Variants in TPD52L1 observed in about 807,000 individuals in gnomAD.
The protein encoded by TPD52L1 is TPD52 like 1, also known as tumor protein D53.
Under a neutral mutation model 28.7 loss-of-function variants are expected in TPD52L1, and 18 were observed. The observed-to-expected ratio is 0.63, with a 90% CI of 0.43 to 0.93. The LOEUF is 0.93. TPD52L1 is among the 40% of genes least tolerant of loss of function. The pLI, the probability that TPD52L1 is intolerant of heterozygous loss-of-function variation, is 0.00. For synonymous variants in TPD52L1, 75 were observed against 88.8 expected, an observed-to-expected ratio of 0.84 and a Z score of 0.88; for missense variants, 203 against 254.8, an observed-to-expected ratio of 0.80 and a Z score of 1.39.
At chr6:125,236,917 C>G (rs1796291733) in intron 3 of TPD52L1, among the ~76,000 whole-genome samples, 1 of 152,164 alleles carries the variant, frequency 6.6e-6, no homozygotes, top group Admixed American at 6.5e-5. Flanking sequence ...ACAGTCTTCT[C>G]AAGGGTGCAG....
intron 1 of TPD52L1, among the ~76,000 whole-genome samples, chr6:125,180,219 A>T (rs1179938103): frequency 1.3e-5 from 2 of 152,066 alleles, no homozygotes; most frequent in East Asian, 3.9e-4. Flanking sequence ...GCCCTTGTTT[A>T]TTTCTATGTA....
intron 1 of TPD52L1, among the ~76,000 whole-genome samples, chr6:125,218,918 T>C (rs1321774158): frequency 6.6e-6 from 1 of 152,102 alleles, no homozygotes; most frequent in African/African-American, 2.4e-5. Context: ...GGAAAAAAAC[T>C]CAGCAAAGCA....
chr6:125,257,244 G>C, intron 6 of TPD52L1, 86 bp downstream of exon 6: 1 of 1,109,090 alleles, frequency 9.0e-7, no homozygotes, highest in Non-Finnish European at 1.3e-6. Flanking sequence ...AGTCGAGGCA[G>C]GGCCAAGAAG....
chr6:125,168,077 C>A (rs1161963865), intron 1 of TPD52L1, among the ~76,000 whole-genome samples: 1 of 152,158 alleles, frequency 6.6e-6, no homozygotes, highest in Non-Finnish European at 1.5e-5. Flanking sequence ...CACTTACTAT[C>A]TCAAATCTTT....
At chr6:125,193,602 A>G (rs1793204317) in intron 1 of TPD52L1, among the ~76,000 whole-genome samples, 1 of 152,230 alleles carries the variant, frequency 6.6e-6, no homozygotes, top group Non-Finnish European at 1.5e-5. Context: ...ATAGCCATAT[A>G]TATGGAAAAC....
chr6:125,252,343 GAAA>G, intron 4 of TPD52L1: 1 of 311,354 alleles, frequency 3.2e-6, no homozygotes, highest in East Asian at 5.1e-5. Context: ...AAAAGAAGAA[GAAA>G]AAAAAACAAA....
At chr6:125,260,984 A>AG in intron 6 of TPD52L1, 4 of 35,254 alleles carry the variant, frequency 1.1e-4, no homozygotes, top group African/African-American at 8.0e-4. Context: ...AAGAAAAGAA[A>AG]AGAAAGAAAG....
intron 3 of TPD52L1, among the ~76,000 whole-genome samples, chr6:125,233,385 T>C (rs1562342490): frequency 6.6e-6 from 1 of 152,180 alleles, no homozygotes; most frequent in Non-Finnish European, 1.5e-5. Context: ...TTATTATCTC[T>C]TTTTATGAGG....
intron 1 of TPD52L1, among the ~76,000 whole-genome samples, chr6:125,194,559 A>G (rs1247141151): frequency 6.6e-6 from 1 of 152,168 alleles, no homozygotes; most frequent in Admixed American, 6.5e-5. Context: ...CCCTGACCCC[A>G]GGCAATCAAG....
At chr6:125,260,323 G>C (rs1204405904) in intron 6 of TPD52L1, 2 of 152,176 alleles carry the variant, frequency 1.3e-5, no homozygotes, top group African/African-American at 4.8e-5. Context: ...ACAGAGGGAA[G>C]GAAGATCAAT....
chr6:125,170,266 A>C (rs1310364717), intron 1 of TPD52L1, among the ~76,000 whole-genome samples: 2 of 152,082 alleles, frequency 1.3e-5, no homozygotes, highest in Non-Finnish European at 2.9e-5. Flanking sequence ...CTGAGGCTCA[A>C]TTCCAAAAGG....
In TPD52L1 at chr6:125,195,868, C is replaced by T. The variant is rs145086388; in HGVS notation, c.20-24210C>T. ...TCACTCCATCACAGTGCCCTGTTCG[C>T]GCTATCACAGCCAGGCCAGTTGTTG... On this transcript the variant is annotated intron_variant, in intron 1 of 6. Transcript: ENST00000534000. Among the ~76,000 whole-genome samples, 12 of 152,294 alleles carry T rather than the reference C, an allele frequency of 7.9e-5. No individual in the cohort carries two copies. In the East Asian group the frequency reaches 2.1e-3, roughly 27 times the overall value.
Position 125,263,220 on chromosome 6 carries a change from G to T in TPD52L1, c.*258G>T. 4.5e-6 allele frequency: 2 copies of T among 447,810 alleles called. No individual in the cohort carries two copies. Among genetic ancestry groups the T allele is most frequent in the Non-Finnish European group, 7.9e-6 (2 of 252,076 alleles). The allele number at this position is 447,810 out of a possible 1,614,324, so 27.7% of individuals were successfully genotyped here. On this transcript the variant is annotated 3_prime_UTR_variant, in exon 7 of 7. Transcript: ENST00000534000. ...TTCCCACTTGAGCAGGTACACAACT[G>T]GTCATAATTCCTGTCTGTGTAATTC... is the stretch of plus-strand genomic sequence containing the variant.
At chr6:125,161,705 A>G (rs996156402) in intron 1 of TPD52L1, among the ~76,000 whole-genome samples, 2 of 152,220 alleles carry the variant, frequency 1.3e-5, no homozygotes, top group African/African-American at 4.8e-5. Context: ...GGTTAAGGTC[A>G]CCATCTTATA....
intron 1 of TPD52L1, among the ~76,000 whole-genome samples, chr6:125,218,186 A>AT (rs1274232000): frequency 1.3e-5 from 2 of 152,148 alleles, no homozygotes; most frequent in Admixed American, 6.5e-5. Flanking sequence ...TTTTCCAATT[A>AT]TTTTTATCTA....
Position 125,262,854 on chromosome 6 carries a change from C to T in TPD52L1, c.507C>T (p.Asn169=), listed in dbSNP as rs1462468225. 1 of 1,613,984 alleles carries T rather than the reference C, an allele frequency of 6.2e-7. No individual in the cohort carries two copies. Among genetic ancestry groups the T allele is most frequent in the African/African-American group, 1.3e-5 (1 of 74,930 alleles). Residue 169 remains asparagine (N), a synonymous_variant, in exon 7 of 7, where the codon AAC becomes AAT. Coordinates refer to ENST00000534000, the MANE Select transcript of TPD52L1 (RefSeq NM_003287.4). ...TTCAGACGAAAGTAGGCGGTACGAA[C>T]CCTAATGGAGGCAGTTTTGAGGAGG... ...TSLKTKVGGT[N]PNGGSFEEVL...
At chr6:125,246,053 GGC>G (rs1796904226) in intron 3 of TPD52L1, among the ~76,000 whole-genome samples, 1 of 152,190 alleles carries the variant, frequency 6.6e-6, no homozygotes, top group African/African-American at 2.4e-5. Context: ...CCTTCCTGGA[GGC>G]GCTCTGTGAG....
chr6:125,199,987 G>T (rs1441495432), intron 1 of TPD52L1, among the ~76,000 whole-genome samples: 2 of 152,202 alleles, frequency 1.3e-5, no homozygotes, highest in Non-Finnish European at 2.9e-5. Flanking sequence ...CAGGGTCATT[G>T]CTACCTTTCA....
At chr6:125,243,380 A>G (rs572648971) in intron 3 of TPD52L1, among the ~76,000 whole-genome samples, 2 of 152,246 alleles carry the variant, frequency 1.3e-5, no homozygotes, top group South Asian at 4.1e-4. Context: ...GTTTTCCCCA[A>G]TTATTTCCTC....
Sources: allele counts gnomAD v4.1 joint callset (sites outside exome capture counted in the v4.1 genomes callset), GRCh38; gene constraint gnomAD v4.1.1; transcripts MANE v1.5; gene names NCBI Gene and HGNC (gene_info 2026-07-23, HGNC 2026-07-21).